Variants in SCAP observed in about 807,000 individuals in gnomAD.
SCAP encodes the protein SREBF chaperone.
SCAP carries 65 observed loss-of-function variants against 123.6 expected under a neutral mutation model. The observed-to-expected ratio is 0.53, with a 90% CI of 0.43 to 0.65. The LOEUF (loss-of-function observed/expected upper bound fraction) is 0.65, where lower values mean the gene tolerates loss of function less well. SCAP is among the 30% of genes least tolerant of loss of function. The probability of loss-of-function intolerance (pLI) is 0.00; values close to 1 mark genes in which losing one functional copy is unlikely to be tolerated. For synonymous variants in SCAP, 740 were observed against 726.3 expected (o/e 1.02, Z -0.30); for missense variants, 1,398 against 1,712.5 (o/e 0.82, Z 3.24).
Position 47,439,211 on chromosome 3 carries a change from C to T in SCAP, c.122+3661G>A, listed in dbSNP as rs1559554625. Among the ~76,000 whole-genome samples the T allele has an allele frequency of 6.6e-6, 1 of 152,032 alleles. No homozygotes were observed. The highest frequency in any genetic ancestry group is 1.9e-4 in the East Asian group (1 of 5,180). Reference sequence around the variant, plus strand: ...GTTACTTGAGGTCAGGAGTTTGACACCAGTCTGGCCAACATGGTGAAACCC... The same window carrying T: ...GTTACTTGAGGTCAGGAGTTTGACATCAGTCTGGCCAACATGGTGAAACCC... On this transcript the variant is annotated intron_variant, in intron 2 of 22. Transcript: ENST00000265565. This position sits in a 1 kb window ranked among gnomAD's most constrained non-coding sequence, Gnocchi z 4.0.
chr3:47,429,020 T>C (rs949643700), intron 3 of SCAP: 2 of 217,676 alleles, frequency 9.2e-6, no homozygotes, highest in Non-Finnish European at 1.8e-5. Context: ...ACCTGTGAGG[T>C]GGCATCAAGA....
chr3:47,465,847 A>AC (rs1444707861), intron 1 of SCAP, among the ~76,000 whole-genome samples: 15 of 151,910 alleles, frequency 9.9e-5, no homozygotes, highest in East Asian at 9.7e-4. Flanking sequence ...AAAACAAAAA[A>AC]AAAAAAGCTG....
At chr3:47,453,600 T>C (rs1707301114) in intron 1 of SCAP, among the ~76,000 whole-genome samples, 2 of 152,154 alleles carry the variant, frequency 1.3e-5, no homozygotes, top group African/African-American at 2.4e-5. Context: ...CCTAAGACTT[T>C]TGCCTACATT....
chr3:47,432,404 G>GC (rs1371480367), intron 3 of SCAP, among the ~76,000 whole-genome samples: 1 of 148,434 alleles, frequency 6.7e-6, no homozygotes, highest in East Asian at 2.0e-4. Flanking sequence ...TCTTTCGATT[G>GC]CCCCCCTATG....
chr3:47,417,702 G>A lies in SCAP; in HGVS notation c.2572C>T (p.Pro858Ser), dbSNP rs752400239. 2.5e-6 allele frequency: 4 copies of A among 1,608,596 alleles called. No homozygotes were observed. The East Asian group carries it at 6.7e-5, about 27-fold the overall frequency. The change falls in exon 17 of 23, where the codon CCC becomes TCC. Residue 858 changes from proline (P) to serine (S), a missense_variant. Physicochemically the swap from Pro to Ser is moderately conservative, Grantham distance 74 (BLOSUM62 -1). This residue lies in a region of SCAP where 828 missense variants were observed against 882.5 expected (regional missense o/e 0.94). Coordinates refer to ENST00000265565, the MANE Select transcript of SCAP (RefSeq NM_012235.4). ...PGDSPPLRHR[P>S]RGPPPPSLFG... ...AGGGAAGGCGGCGGAGGGCCCCGGG[G>A]GCGGTGTCTCAGGGGAGGGCTGTCC...
chr3:47,445,020 C>G (rs1448243780), intron 1 of SCAP, among the ~76,000 whole-genome samples: 4 of 152,066 alleles, frequency 2.6e-5, no homozygotes, highest in Non-Finnish European at 5.9e-5. Context: ...GATCCGCCAG[C>G]CTCAGCCTCC....
rs1355562862 is a variant in SCAP at position 47,414,980 on chromosome 3, C to A, written c.3153G>T (p.Arg1051=). Residue 1051 remains arginine, a synonymous_variant, in exon 20 of 23, where the codon CGG becomes CGT. Transcript: ENST00000265565. ...ACACTGGAGAGGCAGGGGAACTGCC[C>A]CGCCCTGGGGTCCCTGAGGACAAAA... ...SPLQFRGTPG[R]GSSPASPVYS... is the part of the protein sequence containing the mutation. 1 of 1,596,302 alleles carries A rather than the reference C, an allele frequency of 6.3e-7. No homozygotes were observed. Among genetic ancestry groups the A allele is most frequent in the Non-Finnish European group, 8.5e-7 (1 of 1,172,286 alleles).
rs1018452945 is a variant in SCAP, at chr3:47,439,055, A to G, written c.122+3817T>C. Reference sequence around the variant, plus strand: ...ACTTGATATGTACAGATACATCTTGACTTACGATGGGGTTATGTCCTGATA... The same window carrying G: ...ACTTGATATGTACAGATACATCTTGGCTTACGATGGGGTTATGTCCTGATA... On this transcript the variant is annotated intron_variant, in intron 2 of 22. Transcript: ENST00000265565. The surrounding 1 kb of genome is among the most constrained non-coding windows in gnomAD (Gnocchi z 4.0). Among the ~76,000 whole-genome samples, 10 of 152,152 alleles carry G rather than the reference A, an allele frequency of 6.6e-5. No individual in the cohort carries two copies. The highest frequency in any genetic ancestry group is 2.1e-4 in the South Asian group (1 of 4,826).
Position 47,419,276 on chromosome 3 carries a change from A to G in SCAP, c.1940+52T>C, listed in dbSNP as rs1002067498. 1 of 1,558,836 alleles carries G rather than the reference A, an allele frequency of 6.4e-7. No homozygotes were observed. Among genetic ancestry groups the G allele is most frequent in the African/African-American group, 1.4e-5 (1 of 73,580 alleles). ...GGGCCTCCTGCATTGGGGAAAGGGG[A>G]TGGTGAGTTGACACCATCGAGTGAG... On this transcript the variant is annotated intron_variant, in intron 13 of 22. Transcript: ENST00000265565. This position sits in a 1 kb window ranked among gnomAD's most constrained non-coding sequence, Gnocchi z 5.0.
At chr3:47,415,030 A>T in intron 19 of SCAP, 37 bp from the exon 20 acceptor site, 1 of 1,578,570 alleles carries the variant, frequency 6.3e-7, no homozygotes, top group South Asian at 1.2e-5. Context: ...TCTCTGAGAA[A>T]GCAATGGGTA....
chr3:47,425,616 A>C lies in SCAP; in HGVS notation c.911-5T>G. 6.2e-7 allele frequency: 1 copy of C among 1,613,746 alleles called. No individual in the cohort carries two copies. The highest frequency in any genetic ancestry group is 8.5e-7 in the Non-Finnish European group (1 of 1,179,980). Reference sequence around the variant, plus strand: ...ACTTGACCATGTCGATCTTCCCTGGAGGGCAGAGAGGGCGTATCAGGGCGG... The same window carrying C: ...ACTTGACCATGTCGATCTTCCCTGGCGGGCAGAGAGGGCGTATCAGGGCGG... On this transcript the variant is annotated splice_region_variant and splice_polypyrimidine_tract_variant and intron_variant, in intron 7 of 22. Coordinates refer to ENST00000265565, the MANE Select transcript of SCAP (RefSeq NM_012235.4).
At chr3:47,466,324 A>G (rs773979797) in intron 1 of SCAP, among the ~76,000 whole-genome samples, 1 of 152,166 alleles carries the variant, frequency 6.6e-6, no homozygotes, top group African/African-American at 2.4e-5. Context: ...ATAAGGTCAG[A>G]CATATAAAAC....
chr3:47,463,396 A>G (rs1249437276), intron 1 of SCAP, among the ~76,000 whole-genome samples: 1 of 152,042 alleles, frequency 6.6e-6, no homozygotes, highest in African/African-American at 2.4e-5. Context: ...TAATGTCACT[A>G]CCCTGCTCAA....
chr3:47,461,942 G>C (rs1206028325), intron 1 of SCAP, among the ~76,000 whole-genome samples: 4 of 152,028 alleles, frequency 2.6e-5, no homozygotes, highest in Non-Finnish European at 5.9e-5. Context: ...GCTGAGACAG[G>C]AGAATCACTT....
At chr3:47,442,308 AAGAC>A (rs1037257677) in intron 2 of SCAP, among the ~76,000 whole-genome samples, 2 of 152,172 alleles carry the variant, frequency 1.3e-5, no homozygotes, top group African/African-American at 4.8e-5. Context: ...GGCCTTGAGA[AAGAC>A]AGACAGGAAC....
At chr3:47,471,704 C>T (rs1447623811) in intron 1 of SCAP, among the ~76,000 whole-genome samples, 1 of 152,012 alleles carries the variant, frequency 6.6e-6, no homozygotes, top group Non-Finnish European at 1.5e-5. Context: ...TCTGAAAATG[C>T]TAAATATCAA....
chr3:47,426,288 C>T, intron 6 of SCAP, 119 bp from the exon 7 acceptor site: 1 of 1,011,154 alleles, frequency 9.9e-7, no homozygotes, highest in Non-Finnish European at 1.4e-6. Flanking sequence ...TGAAAGGGAA[C>T]TTCTCTATGG....
At chr3:47,457,145 A>T (rs1394462729) in intron 1 of SCAP, among the ~76,000 whole-genome samples, 1 of 152,216 alleles carries the variant, frequency 6.6e-6, no homozygotes, top group African/African-American at 2.4e-5. Context: ...ATAAATGCAC[A>T]AAACACCTGG....
chr3:47,443,267 C>T (rs1706880389), intron 1 of SCAP, 176 bp from the exon 2 acceptor site: 1 of 204,066 alleles, frequency 4.9e-6, no homozygotes, highest in Non-Finnish European at 9.1e-6. Flanking sequence ...CACACACACA[C>T]ACACACACAC....
Sources: gnomAD v4.1 joint callset for allele counts (sites outside exome capture counted in the v4.1 genomes callset) on GRCh38, gnomAD v4.1.1 for gene constraint, gnomAD v4.1.1 regional missense constraint, Gnocchi (gnomAD v3.1) non-coding constraint, MANE v1.5 for transcripts, NCBI Gene and HGNC (gene_info 2026-07-23, HGNC 2026-07-21) for gene names.